UBE2K: variants seen among roughly 807,000 people sequenced by gnomAD.
UBE2K encodes the protein ubiquitin-conjugating enzyme E2 K.
A neutral mutation model predicts 30.0 loss-of-function variants in UBE2K; 6 were observed. The observed-to-expected ratio is 0.20, with a 90% CI of 0.11 to 0.39. The LOEUF is 0.39. Ranked by LOEUF, UBE2K falls within the 10% of genes least tolerant of loss-of-function variation. The probability of loss-of-function intolerance (pLI) is 1.00; values close to 1 mark genes in which losing one functional copy is unlikely to be tolerated. For missense variants in UBE2K, 61 were observed against 241.6 expected, an observed-to-expected ratio of 0.25 and a Z score of 4.96; for synonymous variants, 86 against 83.7, an observed-to-expected ratio of 1.03 and a Z score of -0.15.
Position 39,742,610 on chromosome 4 carries a change from C to T in UBE2K, c.158-3142C>T, listed in dbSNP as rs571962325. 2.4e-4 allele frequency among the ~76,000 whole-genome samples: 37 copies of T among 152,114 alleles called. 1 individual carries two copies. The highest frequency in any genetic ancestry group is 7.5e-4 in the African/African-American group (31 of 41,504). On this transcript the variant is annotated intron_variant, in intron 2 of 6. Transcript: ENST00000261427. ...TTAAAAAATTAGCCAGGCATGGTGGCGCGCACCTGTAGTCCCAGCTACCCA... is the reference window on the plus strand; with the variant it reads ...TTAAAAAATTAGCCAGGCATGGTGGTGCGCACCTGTAGTCCCAGCTACCCA...
chr4:39,721,202 T>C (rs1233766084), intron 1 of UBE2K, among the ~76,000 whole-genome samples: 1 of 152,156 alleles, frequency 6.6e-6, no homozygotes, highest in Non-Finnish European at 1.5e-5. Context: ...TGAGAGTTTC[T>C]TTAGTAGGGA....
At chr4:39,766,743 A>G (rs1456970141) in intron 4 of UBE2K, among the ~76,000 whole-genome samples, 2 of 151,736 alleles carry the variant, frequency 1.3e-5, no homozygotes, top group African/African-American at 2.4e-5. Flanking sequence ...TCTAATTTTT[A>G]TTATTTTCTT....
At chr4:39,712,006 A>G (rs564776082) in intron 1 of UBE2K, among the ~76,000 whole-genome samples, 3 of 151,518 alleles carry the variant, frequency 2.0e-5, no homozygotes, top group Admixed American at 6.6e-5. Context: ...GCGCCATTGC[A>G]TTCCATCCTG....
intron 3 of UBE2K, among the ~76,000 whole-genome samples, chr4:39,754,313 A>G (rs181295003): frequency 1.4e-4 from 21 of 152,334 alleles, no homozygotes; most frequent in Admixed American, 1.4e-3. Flanking sequence ...CAAGCATAGC[A>G]AGAATGAAGG....
chr4:39,736,189 A>G (rs1450863105), intron 1 of UBE2K, among the ~76,000 whole-genome samples: 2 of 152,188 alleles, frequency 1.3e-5, no homozygotes, highest in Non-Finnish European at 2.9e-5. Flanking sequence ...TAGGCCGGGC[A>G]CGGTGCCTCA....
At chr4:39,711,928 C>G (rs928775136) in intron 1 of UBE2K, among the ~76,000 whole-genome samples, 1 of 151,548 alleles carries the variant, frequency 6.6e-6, no homozygotes, top group Non-Finnish European at 1.5e-5. Flanking sequence ...GTAATCCCAG[C>G]TACTTGGGAG....
intron 2 of UBE2K, among the ~76,000 whole-genome samples, chr4:39,738,019 A>C (rs1413982254): frequency 6.6e-6 from 1 of 152,176 alleles, no homozygotes; most frequent in South Asian, 2.1e-4. Context: ...CATAGAAAGG[A>C]GGTGGCTTTG....
At chr4:39,702,226 CTTTTCTTTTTTT>C (rs1718058433) in intron 1 of UBE2K, among the ~76,000 whole-genome samples, 3 of 90,856 alleles carry the variant, frequency 3.3e-5, no homozygotes, top group African/African-American at 9.9e-5. Flanking sequence ...CTTTTCTTTT[CTTTTCTTTTTTT>C]TTTTTTTTTT....
chr4:39,770,187 G>A, intron 4 of UBE2K: 3 of 1,609,296 alleles, frequency 1.9e-6, no homozygotes, highest in Non-Finnish European at 2.5e-6. Context: ...AGGCTTGTGG[G>A]CGAAGCGCAT....
intron 4 of UBE2K, among the ~76,000 whole-genome samples, chr4:39,766,326 A>G (rs796526358): frequency 6.6e-6 from 1 of 152,052 alleles, no homozygotes; most frequent in African/African-American, 2.4e-5. Flanking sequence ...TAGCCATTCT[A>G]ATGGATATGA....
intron 3 of UBE2K, among the ~76,000 whole-genome samples, chr4:39,746,531 G>A (rs979040721): frequency 6.6e-6 from 1 of 152,092 alleles, no homozygotes; most frequent in Non-Finnish European, 1.5e-5. Context: ...TCTTCCTAGA[G>A]TTCAGTTTTG....
chr4:39,745,943 A>G (rs1720965632), intron 3 of UBE2K, 133 bp downstream of exon 3: 3 of 642,742 alleles, frequency 4.7e-6, no homozygotes, highest in South Asian at 3.3e-5. Context: ...CTTGATGTGG[A>G]CAGGATTTTA....
intron 4 of UBE2K, chr4:39,771,314 G>T: frequency 6.2e-7 from 1 of 1,612,160 alleles, no homozygotes; most frequent in South Asian, 1.1e-5. Context: ...CGAAACTTGA[G>T]GCTGTCGGCC....
chr4:39,707,703 A>C (rs1167406363), intron 1 of UBE2K, among the ~76,000 whole-genome samples: 1 of 150,460 alleles, frequency 6.6e-6, no homozygotes, highest in African/African-American at 2.4e-5. Context: ...TATTTTTTGT[A>C]GAGATGGGGT....
In UBE2K at chr4:39,769,533, T is replaced by TG. The variant is rs1173934649; in HGVS notation, c.300-5300dup. On this transcript the variant is annotated intron_variant, in intron 4 of 6. Coordinates refer to ENST00000261427, the MANE Select transcript of UBE2K (RefSeq NM_005339.5). ...CTCAAATTTCAGCAAGCCTCATACT[T>TG]GCAGTCTCATTTCGCCAGCATGCAA... 4.6e-5 allele frequency among the ~76,000 whole-genome samples: 7 copies of TG among 151,902 alleles called. No individual in the cohort carries two copies. In the East Asian group the frequency reaches 1.4e-3, roughly 29 times the overall value.
Position 39,763,643 on chromosome 4 carries a change from A to AACACCTCTCCCCAGGCTCCAC in UBE2K, c.299+7905_299+7925dup, listed in dbSNP as rs369792166. 3.4e-3 allele frequency among the ~76,000 whole-genome samples: 512 copies of AACACCTCTCCCCAGGCTCCAC among 152,252 alleles called. 3 individuals carry two copies. Among genetic ancestry groups the AACACCTCTCCCCAGGCTCCAC allele is most frequent in the African/African-American group, 0.012 (483 of 41,536 alleles). Reference sequence around the variant, plus strand: ...ATGAGCGATTTGCCCCCAGGATCCAAACACCTCTCCCCAGGCTCCACCGCC... The same window carrying AACACCTCTCCCCAGGCTCCAC: ...ATGAGCGATTTGCCCCCAGGATCCAAACACCTCTCCCCAGGCTCCACACACCTCTCCCCAGGCTCCACCGCC... On this transcript the variant is annotated intron_variant, in intron 4 of 6. Transcript: ENST00000261427.
At chr4:39,722,728 AT>A (rs543118567) in intron 1 of UBE2K, among the ~76,000 whole-genome samples, 134 of 150,922 alleles carry the variant, frequency 8.9e-4, no homozygotes, top group Non-Finnish European at 1.6e-3. Context: ...CCCGTGTGGG[AT>A]TTTTTTTTCC....
At position 39,769,330 on chromosome 4, in the gene UBE2K, C is replaced by T. The variant is rs550037177; in HGVS notation, c.300-5504C>T. ...AAAAAATGTTTTTTCTTAAAAAATACTGTATGTCTCTACTCCTCTCCCTCC... is the reference window on the plus strand; with the variant it reads ...AAAAAATGTTTTTTCTTAAAAAATATTGTATGTCTCTACTCCTCTCCCTCC... On this transcript the variant is annotated intron_variant, in intron 4 of 6. Coordinates refer to ENST00000261427, the MANE Select transcript of UBE2K (RefSeq NM_005339.5). 8.0e-4 allele frequency among the ~76,000 whole-genome samples: 120 copies of T among 150,052 alleles called. 6 individuals are homozygous for T. The South Asian group carries it at 0.024, about 30-fold the overall frequency.
Position 39,780,479 on chromosome 4 carries a change from A to G in UBE2K, c.*2045A>G, listed in dbSNP as rs1442567130. 2 of 152,112 alleles carry G rather than the reference A, an allele frequency of 1.3e-5. No homozygotes were observed. The highest frequency in any genetic ancestry group is 4.8e-5 in the African/African-American group (2 of 41,436). 9.4% of individuals were successfully genotyped at this position (152,112 alleles called of 1,614,324 possible). On this transcript the variant is annotated 3_prime_UTR_variant, in exon 7 of 7. Coordinates refer to ENST00000261427, the MANE Select transcript of UBE2K (RefSeq NM_005339.5). ...TTTCTAAAGGTCAAGCATTTTACAT[A>G]TATACATACATACATGCTCTTGGAG...
Sources: allele counts gnomAD v4.1 joint callset (sites outside exome capture counted in the v4.1 genomes callset), GRCh38; gene constraint gnomAD v4.1.1; transcripts MANE v1.5; gene names NCBI Gene and HGNC (gene_info 2026-07-23, HGNC 2026-07-21).